Variants in HMGN1 observed in about 807,000 individuals in gnomAD.
HMGN1 encodes the protein high mobility group nucleosome binding domain 1, also known as non-histone chromosomal protein HMG-14.
In HMGN1, 9 loss-of-function variants were observed where a neutral mutation model predicts 18.4. That is an observed-to-expected ratio of 0.49 (90% CI 0.29 to 0.85). The LOEUF is 0.85. Among genes scored for constraint, HMGN1 ranks in the 40% least tolerant of loss-of-function variants. The pLI is 0.07. For synonymous variants in HMGN1, 59 were observed against 45.0 expected (o/e 1.31, Z -1.24); for missense variants, 151 against 119.2 (o/e 1.27, Z -1.24).
rs2037125350 is a variant in HMGN1, at chr21:39,348,124, A to G, written c.126+168T>C. ...TTAGTGTGATATAGTTCTATAAACC[A>G]GGATGAATATATCCATTACATTTTT... On this transcript the variant is annotated intron_variant, in intron 4 of 5. Coordinates refer to ENST00000380749, the MANE Select transcript of HMGN1 (RefSeq NM_004965.7). 2.0e-5 allele frequency: 19 copies of G among 933,834 alleles called. No individual in the cohort carries two copies. In the South Asian group the frequency reaches 3.3e-4, roughly 16 times the overall value. 57.8% of individuals were successfully genotyped at this position (933,834 alleles called of 1,614,324 possible). A position where few individuals can be genotyped will look rare whatever the true frequency, so the allele number is the denominator to read the frequency against.
intron 5 of HMGN1, 125 bp from the exon 6 acceptor site, chr21:39,343,284 G>T: frequency 2.1e-6 from 2 of 932,750 alleles, no homozygotes; most frequent in Non-Finnish European, 3.2e-6. Context: ...ACCTACTCTT[G>T]TTAAAAAACT....
chr21:39,343,785 A>C (rs1284778891), intron 5 of HMGN1, among the ~76,000 whole-genome samples: 1 of 152,190 alleles, frequency 6.6e-6, no homozygotes, highest in African/African-American at 2.4e-5. Context: ...TACTTCCCCT[A>C]TGTGAAAACG....
chr21:39,348,057 A>G (rs2037121939), intron 4 of HMGN1: 5 of 1,019,642 alleles, frequency 4.9e-6, no homozygotes, highest in Non-Finnish European at 6.8e-6. Context: ...TTAATATTTA[A>G]TATTTTTTGT....
At chr21:39,344,554 G>A (rs1314916642) in intron 5 of HMGN1, 1 of 152,166 alleles carries the variant, frequency 6.6e-6, no homozygotes, top group Non-Finnish European at 1.5e-5. Context: ...GAGTGCAGTA[G>A]TGCTCACAAC....
intron 4 of HMGN1, chr21:39,345,721 A>C (rs2037027412): frequency 3.0e-6 from 2 of 671,394 alleles, no homozygotes; most frequent in South Asian, 2.9e-5. Context: ...CATGAAGTTG[A>C]ATACCGGAGG....
Position 39,343,087 on chromosome 21 carries a change from A to G in HMGN1, c.*25T>C. 1.5e-6 allele frequency: 2 copies of G among 1,370,736 alleles called. No individual in the cohort carries two copies. Among genetic ancestry groups the G allele is most frequent in the Non-Finnish European group, 2.1e-6 (2 of 967,366 alleles). 84.9% of individuals were successfully genotyped at this position (1,370,736 alleles called of 1,614,324 possible). On this transcript the variant is annotated 3_prime_UTR_variant, in exon 6 of 6. Transcript: ENST00000380749. ...TTGTACAAGAAGGGAGACAGGGACC[A>G]CTGATAAGACATGGTATATGGTTAT... is the stretch of plus-strand genomic sequence containing the variant.
Position 39,343,191 on chromosome 21 carries a change from ATTTAACACGTTGTCG to A in HMGN1, c.256-47_256-33del, listed in dbSNP as rs756059364. On this transcript the variant is annotated intron_variant, in intron 5 of 5. Coordinates refer to ENST00000380749, the MANE Select transcript of HMGN1 (RefSeq NM_004965.7). ...AAGAAAGGAAATTGAGATCTTTAGCATTTAACACGTTGTCGTTTTATTTATATGCAACTATCAGGT... is the reference window on the plus strand; with the variant it reads ...AAGAAAGGAAATTGAGATCTTTAGCATTTTATTTATATGCAACTATCAGGT... 7 of 1,574,062 alleles carry A rather than the reference ATTTAACACGTTGTCG, an allele frequency of 4.4e-6. No homozygotes were observed. In the East Asian group the frequency reaches 1.4e-4, roughly 30 times the overall value.
intron 4 of HMGN1, chr21:39,346,315 A>T (rs1156940563): frequency 4.9e-6 from 1 of 205,198 alleles, no homozygotes; most frequent in Non-Finnish European, 1.0e-5. Context: ...ATACTTCAAC[A>T]TCCTTTGAGT....
chr21:39,346,045 T>A (rs995651011), intron 4 of HMGN1: 1 of 754,140 alleles, frequency 1.3e-6, no homozygotes, highest in African/African-American at 1.8e-5. Context: ...ATAAAAATAC[T>A]TTTAGATACC....
At chr21:39,347,206 G>A (rs907840871) in intron 4 of HMGN1, 1 of 406,320 alleles carries the variant, frequency 2.5e-6, no homozygotes, top group Non-Finnish European at 3.7e-6. Context: ...ATGGTCTTCT[G>A]GTAATGAGAA....
chr21:39,345,666 G>A (rs746158112), intron 4 of HMGN1: 7 of 427,678 alleles, frequency 1.6e-5, no homozygotes, highest in Non-Finnish European at 2.6e-5. Context: ...CACCACTGTC[G>A]CCATCATCCA....
chr21:39,347,375 A>C, intron 4 of HMGN1: 13 of 1,154,326 alleles, frequency 1.1e-5, no homozygotes, highest in Non-Finnish European at 1.5e-5. Context: ...TCTTTGTTTT[A>C]TACCTTTATT....
intron 5 of HMGN1, among the ~76,000 whole-genome samples, 155 bp from the exon 6 acceptor site, chr21:39,343,314 C>A (rs2036929227): frequency 6.6e-6 from 1 of 152,166 alleles, no homozygotes; most frequent in Admixed American, 6.5e-5. Context: ...CACCCCCTCA[C>A]CCCAAATCAA....
rs903936268 is a variant in HMGN1, at chr21:39,348,129, G to A, written c.126+163C>T. ...GTGATATAGTTCTATAAACCAGGAT[G>A]AATATATCCATTACATTTTTGCCTC... On this transcript the variant is annotated intron_variant, in intron 4 of 5. Transcript: ENST00000380749. 5.3e-6 allele frequency: 5 copies of A among 949,238 alleles called. No homozygotes were observed. The African/African-American group carries it at 6.7e-5, about 13-fold the overall frequency. 58.8% of individuals were successfully genotyped at this position (949,238 alleles called of 1,614,324 possible).
Position 39,345,147 on chromosome 21 carries a change from T to G in HMGN1, c.254A>C (p.Glu85Ala), listed in dbSNP as rs533966790. The change falls in exon 5 of 6, where the codon GAG becomes GCG. Residue 85 changes from glutamate to alanine, a missense_variant and splice_region_variant. Glu to Ala is a moderately radical substitution (Grantham distance 107). Transcript: ENST00000380749. The part of the protein sequence containing the change: ...PAENGETKTE[E>A]SPASDEAGEK... Reference sequence around the variant, plus strand: ...CACACACACACACACACTTCTGACCTCCTCAGTCTTCGTTTCCCCGTTTTC... The same window carrying G: ...CACACACACACACACACTTCTGACCGCCTCAGTCTTCGTTTCCCCGTTTTC... 3.4e-5 allele frequency: 47 copies of G among 1,390,278 alleles called. No homozygotes were observed. The South Asian group carries it at 5.9e-4, about 18-fold the overall frequency. 86.1% of individuals were successfully genotyped at this position (1,390,278 alleles called of 1,614,324 possible).
chr21:39,342,871 T>C lies in HMGN1; in HGVS notation c.*241A>G, dbSNP rs137926276. On this transcript the variant is annotated 3_prime_UTR_variant, in exon 6 of 6. Coordinates refer to ENST00000380749, the MANE Select transcript of HMGN1 (RefSeq NM_004965.7). Reference sequence around the variant, plus strand: ...CACCCGAGACAGTCAGAGCCTCCCATAATTCAATATCCCACACTATTTTCT... The same window carrying C: ...CACCCGAGACAGTCAGAGCCTCCCACAATTCAATATCCCACACTATTTTCT... 2,549 of 1,436,246 alleles carry C rather than the reference T, an allele frequency of 1.8e-3. 44 individuals are homozygous for C. In the African/African-American group the frequency reaches 0.028, roughly 16 times the overall value. 89.0% of individuals were successfully genotyped at this position (1,436,246 alleles called of 1,614,324 possible). A position where few individuals can be genotyped will look rare whatever the true frequency, so the allele number is the denominator to read the frequency against.
At chr21:39,348,255 G>T (rs377267462) in intron 4 of HMGN1, 37 bp downstream of exon 4, 1 of 1,612,374 alleles carries the variant, frequency 6.2e-7, no homozygotes, top group Non-Finnish European at 8.5e-7. Flanking sequence ...TGTAGCCTAA[G>T]GCCCCGCTGC....
intron 4 of HMGN1, chr21:39,347,335 T>TA (rs1268507934): frequency 8.8e-6 from 9 of 1,026,030 alleles, no homozygotes; most frequent in South Asian, 1.9e-5. Flanking sequence ...CTCAGCTCTG[T>TA]AAAAAATTTA....
In HMGN1 at chr21:39,342,961, A is replaced by T. The variant is rs1239688691; in HGVS notation, c.*151T>A. ...CTCTTAAAAAAAAGCATTTACACTT[A>T]AAAAATGGGATGAGGTGGGATTCCC... On this transcript the variant is annotated 3_prime_UTR_variant, in exon 6 of 6. Transcript: ENST00000380749. 7.1e-6 allele frequency: 9 copies of T among 1,262,546 alleles called. No individual in the cohort carries two copies. Among genetic ancestry groups the T allele is most frequent in the Non-Finnish European group, 1.0e-5 (9 of 898,232 alleles). 78.2% of individuals were successfully genotyped at this position (1,262,546 alleles called of 1,614,324 possible). A position where few individuals can be genotyped will look rare whatever the true frequency, so the allele number is the denominator to read the frequency against.
Sources: gnomAD v4.1 joint callset for allele counts (sites outside exome capture counted in the v4.1 genomes callset) on GRCh38, gnomAD v4.1.1 for gene constraint, MANE v1.5 for transcripts, NCBI Gene and HGNC (gene_info 2026-07-23, HGNC 2026-07-21) for gene names.